Variants in KCTD8 observed in about 807,000 individuals in gnomAD.
KCTD8 encodes the protein BTB/POZ domain-containing protein KCTD8.
In KCTD8, 27 loss-of-function variants were observed where a neutral mutation model predicts 31.5. The ratio of observed to expected loss-of-function variants is 0.86; its 90% CI spans 0.63 to 1.18. KCTD8 has a LOEUF of 1.18. Among genes scored for constraint, KCTD8 ranks in the 50% most tolerant of loss-of-function variants. The probability of loss-of-function intolerance (pLI) is 0.00; values close to 1 mark genes in which losing one functional copy is unlikely to be tolerated. For missense variants in KCTD8, 658 were observed against 647.7 expected, an observed-to-expected ratio of 1.02 and a Z score of -0.17; for synonymous variants, 290 against 280.0, an observed-to-expected ratio of 1.04 and a Z score of -0.36.
intron 1 of KCTD8, among the ~76,000 whole-genome samples, chr4:44,404,263 TTTG>T (rs1447277957): frequency 1.2e-4 from 18 of 152,226 alleles, no homozygotes; most frequent in Non-Finnish European, 1.8e-4. Context: ...AAAAGGGTGT[TTTG>T]TTGTTGTTGT....
chr4:44,206,584 A>G (rs1055705886), intron 1 of KCTD8, among the ~76,000 whole-genome samples: 9 of 152,220 alleles, frequency 5.9e-5, no homozygotes, highest in Non-Finnish European at 1.3e-4. Flanking sequence ...CTGGTCAGAC[A>G]GGCTGACTGC....
intron 1 of KCTD8, among the ~76,000 whole-genome samples, chr4:44,194,815 C>CCCTTCCTTCCTTCCTTCCTT (rs1167841653): frequency 1.6e-4 from 15 of 94,766 alleles, no homozygotes; most frequent in African/African-American, 7.1e-4. Context: ...CTCCCTCCCT[C>CCCTTCCTTCCTTCCTTCCTT]CCTTCCTTCC....
intron 1 of KCTD8, among the ~76,000 whole-genome samples, chr4:44,260,985 G>A (rs142824765): frequency 2.0e-5 from 3 of 152,080 alleles, no homozygotes; most frequent in East Asian, 3.9e-4. Flanking sequence ...TGAAAGTAAC[G>A]TAATAAATGT....
At chr4:44,235,601 A>T (rs1003558656) in intron 1 of KCTD8, among the ~76,000 whole-genome samples, 12 of 137,752 alleles carry the variant, frequency 8.7e-5, no homozygotes, top group Non-Finnish European at 1.3e-4. Context: ...AGAGAGAGAG[A>T]GAGTATGAGT....
intron 1 of KCTD8, among the ~76,000 whole-genome samples, chr4:44,372,984 T>C (rs1200920844): frequency 6.6e-6 from 1 of 152,296 alleles, no homozygotes; most frequent in East Asian, 1.9e-4. Context: ...TAATATAGAA[T>C]TATGCATCTG....
intron 1 of KCTD8, among the ~76,000 whole-genome samples, chr4:44,236,279 T>A (rs1363300737): frequency 1.3e-5 from 2 of 152,132 alleles, no homozygotes; most frequent in Non-Finnish European, 2.9e-5. Context: ...TGGAGCATAG[T>A]TGATATTGCA....
intron 1 of KCTD8, among the ~76,000 whole-genome samples, chr4:44,253,224 T>A (rs1485029853): frequency 6.6e-6 from 1 of 151,884 alleles, no homozygotes; most frequent in Non-Finnish European, 1.5e-5. Context: ...ATTTCTTGTT[T>A]AATAAATTTT....
At chr4:44,267,716 C>G (rs1716431840) in intron 1 of KCTD8, among the ~76,000 whole-genome samples, 1 of 152,088 alleles carries the variant, frequency 6.6e-6, no homozygotes, top group Admixed American at 6.6e-5. Context: ...GGGGATATCA[C>G]CACTGATCCC....
intron 1 of KCTD8, among the ~76,000 whole-genome samples, chr4:44,392,510 G>A (rs961849569): frequency 2.0e-5 from 3 of 151,884 alleles, no homozygotes; most frequent in South Asian, 2.1e-4. Flanking sequence ...TATTTAAAAG[G>A]TGTAGGTGTG....
chr4:44,397,123 T>C (rs986451409), intron 1 of KCTD8, among the ~76,000 whole-genome samples: 1 of 152,192 alleles, frequency 6.6e-6, no homozygotes, highest in African/African-American at 2.4e-5. Flanking sequence ...TTAAGTTAAC[T>C]AGATTGCTAG....
intron 1 of KCTD8, among the ~76,000 whole-genome samples, chr4:44,364,681 T>C (rs1577637853): frequency 6.6e-6 from 1 of 152,162 alleles, no homozygotes; most frequent in Non-Finnish European, 1.5e-5. Context: ...CTTTAATAGA[T>C]AAACAGACCA....
intron 1 of KCTD8, among the ~76,000 whole-genome samples, chr4:44,294,652 A>G (rs1256524747): frequency 6.6e-6 from 1 of 152,176 alleles, no homozygotes; most frequent in Non-Finnish European, 1.5e-5. Context: ...ATTCTCACCA[A>G]AGACCATTAT....
At chr4:44,435,730 A>G (rs1485438703) in intron 1 of KCTD8, among the ~76,000 whole-genome samples, 1 of 152,076 alleles carries the variant, frequency 6.6e-6, no homozygotes, top group Non-Finnish European at 1.5e-5. Context: ...TTCTTTCCAA[A>G]TTCAAATGAA....
At chr4:44,372,141 T>C (rs1205512430) in intron 1 of KCTD8, among the ~76,000 whole-genome samples, 6 of 152,202 alleles carry the variant, frequency 3.9e-5, no homozygotes, top group African/African-American at 7.2e-5. Flanking sequence ...ATAAGCACAG[T>C]GTGTCACTCA....
chr4:44,276,093 A>T (rs73811990), intron 1 of KCTD8, among the ~76,000 whole-genome samples: 4,486 of 152,030 alleles, frequency 0.03, 240 homozygotes, highest in African/African-American at 0.1. Context: ...AAGCCATCTG[A>T]CCTGGTGCAG....
chr4:44,236,349 T>A (rs945580805), intron 1 of KCTD8, among the ~76,000 whole-genome samples: 4 of 152,078 alleles, frequency 2.6e-5, no homozygotes, highest in Admixed American at 6.5e-5. Context: ...CCAGGATGGG[T>A]CCATGGTTTC....
At chr4:44,269,290 A>T (rs1577585116) in intron 1 of KCTD8, among the ~76,000 whole-genome samples, 1 of 152,220 alleles carries the variant, frequency 6.6e-6, no homozygotes, top group Non-Finnish European at 1.5e-5. Context: ...GCAATGGGGA[A>T]AGGATTTCCT....
At chr4:44,232,560 T>C (rs1263854032) in intron 1 of KCTD8, among the ~76,000 whole-genome samples, 2 of 152,154 alleles carry the variant, frequency 1.3e-5, no homozygotes, top group African/African-American at 4.8e-5. Context: ...GGCCATTACT[T>C]TATCCTTGAT....
chr4:44,383,149 G>A (rs570381868), intron 1 of KCTD8, among the ~76,000 whole-genome samples: 4 of 151,416 alleles, frequency 2.6e-5, no homozygotes, highest in African/African-American at 7.3e-5. Context: ...CCTATAAAAC[G>A]CTGATAAAAA....
Sources: allele counts gnomAD v4.1 joint callset (sites outside exome capture counted in the v4.1 genomes callset), GRCh38; gene constraint gnomAD v4.1.1; transcripts MANE v1.5; gene names NCBI Gene and HGNC (gene_info 2026-07-23, HGNC 2026-07-21).